The following PIK3C2G variants were observed in gnomAD, a reference collection of about 807,000 sequenced individuals.
The protein encoded by PIK3C2G is phosphatidylinositol-4-phosphate 3-kinase catalytic subunit type 2 gamma, also known as phosphatidylinositol 3-kinase C2 domain-containing subunit gamma.
Under a neutral mutation model 181.1 loss-of-function variants are expected in PIK3C2G, and 168 were observed. The ratio of observed to expected loss-of-function variants is 0.93; its 90% CI spans 0.82 to 1.05. The LOEUF (loss-of-function observed/expected upper bound fraction) is 1.05. PIK3C2G is among the 50% of genes least tolerant of loss of function. The pLI, the probability that PIK3C2G is intolerant of heterozygous loss-of-function variation, is 0.00. For synonymous variants in PIK3C2G, 573 were observed against 592.2 expected (o/e 0.97, Z 0.47); for missense variants, 1,869 against 1,732.8 (o/e 1.08, Z -1.40).
At chr12:18,327,575 G>A (rs1470408299) in intron 8 of PIK3C2G, among the ~76,000 whole-genome samples, 2 of 151,924 alleles carry the variant, frequency 1.3e-5, no homozygotes, top group African/African-American at 4.8e-5. Context: ...CAAATGGCTA[G>A]TTTTGTATCT....
chr12:18,688,318 C>G, the PIK3C2G span: 1 of 1,218,888 alleles, frequency 8.2e-7, no homozygotes, highest in Non-Finnish European at 1.1e-6. Flanking sequence ...TTGATGGACT[C>G]TAAGTCAGCT....
chr12:18,288,746 T>C (rs1369240393), intron 3 of PIK3C2G, among the ~76,000 whole-genome samples: 3 of 152,190 alleles, frequency 2.0e-5, no homozygotes, highest in Non-Finnish European at 4.4e-5. Context: ...AAGATATCAC[T>C]CTTCTGAATA....
intron 3 of PIK3C2G, among the ~76,000 whole-genome samples, chr12:18,289,505 C>A (rs1330343217): frequency 1.3e-5 from 2 of 152,138 alleles, no homozygotes; most frequent in Admixed American, 6.5e-5. Flanking sequence ...GGACTCTAGA[C>A]CTTTATGGTA....
chr12:18,440,793 G>C (rs2135822409), intron 18 of PIK3C2G, among the ~76,000 whole-genome samples: 1 of 152,168 alleles, frequency 6.6e-6, no homozygotes, highest in South Asian at 2.1e-4. Flanking sequence ...CAAATGATTA[G>C]AGGGCTCTGA....
intron 31 of PIK3C2G, among the ~76,000 whole-genome samples, chr12:18,634,433 T>C (rs769673875): frequency 6.6e-6 from 1 of 152,210 alleles, no homozygotes; most frequent in Non-Finnish European, 1.5e-5. Flanking sequence ...CCATGGACGG[T>C]AGTTCTGACA....
chr12:18,251,237 A>G (rs1307467017), intron 1 of PIK3C2G, among the ~76,000 whole-genome samples: 1 of 152,040 alleles, frequency 6.6e-6, no homozygotes, highest in Admixed American at 6.5e-5. Flanking sequence ...TATGTAAGCA[A>G]CAAGAACCTA....
At chr12:18,558,915 G>A (rs749237763) in intron 26 of PIK3C2G, among the ~76,000 whole-genome samples, 15 of 152,130 alleles carry the variant, frequency 9.9e-5, no homozygotes, top group African/African-American at 2.6e-4. Flanking sequence ...CTCTAAAAGG[G>A]CGAAAAACTT....
At position 18,423,820 on chromosome 12, in the gene PIK3C2G, T is replaced by C. The variant is rs1027638120; in HGVS notation, c.2410-125T>C. 1.1e-5 allele frequency: 7 copies of C among 642,814 alleles called. No homozygotes were observed. The Admixed American group carries it at 1.7e-4, about 16-fold the overall frequency. 39.8% of individuals were successfully genotyped at this position (642,814 alleles called of 1,614,324 possible). ...CCGACTCATAAAATCATCGAATGTGTTATTAGCATTTTGTTAAAATATGCA... is the reference window on the plus strand; with the variant it reads ...CCGACTCATAAAATCATCGAATGTGCTATTAGCATTTTGTTAAAATATGCA... On this transcript the variant is annotated intron_variant, in intron 17 of 32. Coordinates refer to ENST00000538779, the MANE Select transcript of PIK3C2G (RefSeq NM_001288772.2).
At chr12:18,519,419 T>C (rs1942768453) in intron 24 of PIK3C2G, among the ~76,000 whole-genome samples, 1 of 152,228 alleles carries the variant, frequency 6.6e-6, no homozygotes, top group Non-Finnish European at 1.5e-5. Context: ...TGGGTGCATA[T>C]ATAAGAATAG....
chr12:18,608,476 A>G (rs1948168270), intron 30 of PIK3C2G, among the ~76,000 whole-genome samples: 1 of 147,404 alleles, frequency 6.8e-6, no homozygotes. Context: ...CAAACACTGC[A>G]TGTTCTCACT....
At chr12:18,312,872 A>G (rs1950698497) in intron 5 of PIK3C2G, among the ~76,000 whole-genome samples, 1 of 152,158 alleles carries the variant, frequency 6.6e-6, no homozygotes, top group African/African-American at 2.4e-5. Flanking sequence ...AGTAAATTCT[A>G]TATAATTATT....
chr12:18,669,046 T>A, the PIK3C2G span, among the ~76,000 whole-genome samples: 1 of 152,264 alleles, frequency 6.6e-6, no homozygotes, highest in East Asian at 1.9e-4. Flanking sequence ...TAATAGCTAA[T>A]ATTTATGTGA....
intron 18 of PIK3C2G, among the ~76,000 whole-genome samples, chr12:18,431,089 C>T (rs1391223015): frequency 1.3e-5 from 2 of 152,072 alleles, no homozygotes; most frequent in Non-Finnish European, 2.9e-5. Context: ...CTCTCTCACC[C>T]GCCTCTCCAC....
chr12:18,695,029 T>C, the PIK3C2G span: 1 of 1,613,014 alleles, frequency 6.2e-7, no homozygotes, highest in Non-Finnish European at 8.5e-7. Flanking sequence ...TCCAAAAATT[T>C]CCCATTTTGC....
At chr12:18,526,779 C>T (rs534421413) in intron 24 of PIK3C2G, among the ~76,000 whole-genome samples, 1 of 152,118 alleles carries the variant, frequency 6.6e-6, no homozygotes, top group Admixed American at 6.6e-5. Flanking sequence ...AAAGCGCTCT[C>T]ACTTACTCAC....
chr12:18,374,158 A>G (rs1470815302), intron 13 of PIK3C2G, among the ~76,000 whole-genome samples: 1 of 152,220 alleles, frequency 6.6e-6, no homozygotes, highest in African/African-American at 2.4e-5. Context: ...AAGCCCAAGC[A>G]TGCCCAAAGA....
chr12:18,362,387 C>A (rs1941317213), intron 11 of PIK3C2G, among the ~76,000 whole-genome samples: 1 of 152,152 alleles, frequency 6.6e-6, no homozygotes, highest in Non-Finnish European at 1.5e-5. Flanking sequence ...TTGAGAGTTT[C>A]TTTCTGATCA....
At chr12:18,601,300 A>G (rs1009736402) in intron 30 of PIK3C2G, among the ~76,000 whole-genome samples, 1 of 151,896 alleles carries the variant, frequency 6.6e-6, no homozygotes, top group African/African-American at 2.4e-5. Context: ...AAAAAAAAAA[A>G]TCCTGTCATT....
the PIK3C2G span, among the ~76,000 whole-genome samples, chr12:18,669,667 T>A: frequency 2.0e-5 from 3 of 149,606 alleles, no homozygotes; most frequent in Non-Finnish European, 4.5e-5. Context: ...CTTCCTCTCT[T>A]TTTTTTTTGA....
Sources: gnomAD v4.1 joint callset for allele counts (sites outside exome capture counted in the v4.1 genomes callset) on GRCh38, gnomAD v4.1.1 for gene constraint, MANE v1.5 for transcripts, NCBI Gene and HGNC (gene_info 2026-07-23, HGNC 2026-07-21) for gene names.